The following PCDHA10 variants were observed in gnomAD, a reference collection of about 807,000 sequenced individuals.
PCDHA10 encodes the protein protocadherin alpha 10.
A neutral mutation model predicts 61.2 loss-of-function variants in PCDHA10; 45 were observed. The observed-to-expected ratio is 0.74, with a 90% CI of 0.58 to 0.94. The LOEUF is 0.94. Ranked by LOEUF, PCDHA10 falls within the 40% of genes least tolerant of loss-of-function variation. The pLI, the probability that PCDHA10 is intolerant of heterozygous loss-of-function variation, is 0.00. For synonymous variants in PCDHA10, 602 were observed against 548.8 expected (o/e 1.10, Z -1.35); for missense variants, 1,278 against 1,236.2 (o/e 1.03, Z -0.51).
At chr5:140,886,596 G>C (rs1359025262) in intron 1 of PCDHA10, among the ~76,000 whole-genome samples, 1 of 152,008 alleles carries the variant, frequency 6.6e-6, no homozygotes, top group East Asian at 1.9e-4. Context: ...GGGAGGCCAA[G>C]GTGGGCGGAT....
intron 3 of PCDHA10, among the ~76,000 whole-genome samples, chr5:141,007,395 C>CAAAAAAAAA (rs35800918): frequency 8.4e-5 from 8 of 94,856 alleles, no homozygotes; most frequent in East Asian, 2.9e-4. Context: ...TACTAAAATA[C>CAAAAAAAAA]AAAAAAAAAA....
At chr5:140,875,820 T>C (rs2055843364) in intron 1 of PCDHA10, 1 of 1,613,978 alleles carries the variant, frequency 6.2e-7, no homozygotes, top group African/African-American at 1.3e-5. Flanking sequence ...CGCTGCAGGT[T>C]TTCCATGTGG....
chr5:140,897,178 CA>C (rs1414076017), intron 1 of PCDHA10, among the ~76,000 whole-genome samples: 4 of 151,978 alleles, frequency 2.6e-5, no homozygotes, highest in South Asian at 2.1e-4. Context: ...TCCATGGGTT[CA>C]AAAAATATAT....
intron 3 of PCDHA10, among the ~76,000 whole-genome samples, chr5:140,998,172 T>C (rs1438782798): frequency 6.6e-6 from 1 of 152,184 alleles, no homozygotes; most frequent in Admixed American, 6.5e-5. Flanking sequence ...CCAAGTATTA[T>C]TCTAAGCACT....
At chr5:140,876,004 T>A in intron 1 of PCDHA10, 1 of 1,613,866 alleles carries the variant, frequency 6.2e-7, no homozygotes, top group African/African-American at 1.3e-5. Context: ...AAATGAGAAT[T>A]TTGAGCTTAA....
At chr5:140,953,413 C>T (rs965115726) in intron 1 of PCDHA10, among the ~76,000 whole-genome samples, 1 of 152,120 alleles carries the variant, frequency 6.6e-6, no homozygotes, top group Non-Finnish European at 1.5e-5. Context: ...GCTCCTGGCT[C>T]CTCCCCTTTG....
intron 3 of PCDHA10, among the ~76,000 whole-genome samples, chr5:140,998,364 C>T (rs2097808386): frequency 6.6e-6 from 1 of 152,192 alleles, no homozygotes; most frequent in South Asian, 2.1e-4. Flanking sequence ...AACCACTGCA[C>T]ACACCGTCTC....
At chr5:140,991,417 C>G (rs782178829) in intron 3 of PCDHA10, among the ~76,000 whole-genome samples, 79 of 152,196 alleles carry the variant, frequency 5.2e-4, no homozygotes, top group Admixed American at 1.5e-3. Context: ...TATGCTATAA[C>G]AAATTAACCA....
Position 140,858,429 on chromosome 5 carries a change from C to G in PCDHA10, c.2381C>G (p.Ser794Cys), listed in dbSNP as rs1554151596. Residue 794 changes from serine to cysteine, a missense_variant, in exon 1 of 4, where the codon TCT becomes TGT. Transcript: ENST00000307360. The stretch of plus-strand genomic sequence containing the variant: ...GATCAGTCTATTGGAGGGGACCACT[C>G]TAGGAAGGTGGGTTATTACGTTTTC... ...GEDQSIGGDH[S>C]RKPRQPNPDW... 6.5e-7 allele frequency: 1 copy of G among 1,548,730 alleles called. No individual in the cohort carries two copies. The highest frequency in any genetic ancestry group is 1.4e-5 in the African/African-American group (1 of 73,308).
rs912006741 is a variant in PCDHA10, at chr5:140,857,435, G to A, written c.1387G>A (p.Val463Met). 2.5e-6 allele frequency: 4 copies of A among 1,598,574 alleles called. No homozygotes were observed. The highest frequency in any genetic ancestry group is 3.4e-5 in the Admixed American group (2 of 59,362). The change falls in exon 1 of 4, where the codon GTG (valine) becomes ATG (methionine). Residue 463 changes from valine to methionine, a missense_variant. Transcript: ENST00000307360. The stretch of plus-strand genomic sequence containing the variant: ...CGCGCAGTCCGAGTACACGGTGTTC[G>A]TGAAGGAGAACAACCCGCCAGGCTG... ...AFAQSEYTVF[V>M]KENNPPGCHI... is the part of the protein sequence containing the mutation.
In PCDHA10 at chr5:140,877,669, G is replaced by A. The variant is rs548426920; in HGVS notation, c.2388+19233G>A. The A allele has an allele frequency of 1.4e-4, 219 of 1,613,638 alleles. 3 individuals are homozygous for A. The South Asian group carries it at 2.2e-3, about 17-fold the overall frequency. On this transcript the variant is annotated intron_variant, in intron 1 of 3. Coordinates refer to ENST00000307360, the MANE Select transcript of PCDHA10 (RefSeq NM_018901.4). ...AGCGCCGCCCACCGTGAGCCGGTGC[G>A]CGCCGGGCAAGCCCACGCTGGTGTG...
At chr5:140,941,317 C>T (rs1264351232) in intron 1 of PCDHA10, among the ~76,000 whole-genome samples, 5 of 99,210 alleles carry the variant, frequency 5.0e-5, no homozygotes, top group Admixed American at 1.1e-4. Flanking sequence ...TTTCTTCTTT[C>T]TCTTTTTTTT....
At chr5:140,963,237 G>A (rs782735845) in intron 1 of PCDHA10, among the ~76,000 whole-genome samples, 50 of 152,136 alleles carry the variant, frequency 3.3e-4, no homozygotes, top group Non-Finnish European at 6.2e-4. Flanking sequence ...CTGTTTGATG[G>A]ATTAGGTAGG....
chr5:140,986,372 G>A lies in PCDHA10; in HGVS notation c.2536+3809G>A, dbSNP rs570215048. ...TCTTCAGATGGAGGAATGCGTTTTG[G>A]GGGGAGGGACATTAAAGGGCCAGTC... On this transcript the variant is annotated intron_variant, in intron 3 of 3. Coordinates refer to ENST00000307360, the MANE Select transcript of PCDHA10 (RefSeq NM_018901.4). Among the ~76,000 whole-genome samples, 23 of 152,248 alleles carry A rather than the reference G, an allele frequency of 1.5e-4. No homozygotes were observed. In the East Asian group the frequency reaches 1.7e-3, roughly 12 times the overall value.
At chr5:140,984,295 A>C (rs1195087908) in intron 3 of PCDHA10, among the ~76,000 whole-genome samples, 3 of 152,208 alleles carry the variant, frequency 2.0e-5, no homozygotes, top group African/African-American at 7.2e-5. Flanking sequence ...CCCATTGGTG[A>C]TGCTGGTTGG....
At chr5:140,940,499 G>T (rs190058542) in intron 1 of PCDHA10, among the ~76,000 whole-genome samples, 3 of 151,756 alleles carry the variant, frequency 2.0e-5, no homozygotes, top group Non-Finnish European at 4.4e-5. Flanking sequence ...GTCTTGCTCC[G>T]TCGCTCAGGC....
intron 1 of PCDHA10, among the ~76,000 whole-genome samples, chr5:140,923,894 G>A (rs2081566819): frequency 6.6e-6 from 1 of 152,186 alleles, no homozygotes; most frequent in African/African-American, 2.4e-5. Flanking sequence ...AAGAGGAGGA[G>A]TTTCTGTGAA....
At position 140,882,396 on chromosome 5, in the gene PCDHA10, C is replaced by G; in HGVS notation, c.2388+23960C>G. The G allele has an allele frequency of 1.9e-6, 3 of 1,614,196 alleles. No homozygotes were observed. In the South Asian group the frequency reaches 3.3e-5, roughly 18 times the overall value. On this transcript the variant is annotated intron_variant, in intron 1 of 3. Transcript: ENST00000307360. ...GTCCCCGAGGAAGCAAAACACGGCA[C>G]CTTCGTGGGCCGCATCGCTCAGGAC...
intron 1 of PCDHA10, among the ~76,000 whole-genome samples, chr5:140,940,491 C>A (rs1554213409): frequency 6.6e-6 from 1 of 151,752 alleles, no homozygotes; most frequent in Admixed American, 6.6e-5. Context: ...CAAGACAAGT[C>A]TTGCTCCGTC....
Sources: gnomAD v4.1 joint callset for allele counts (sites outside exome capture counted in the v4.1 genomes callset) on GRCh38, gnomAD v4.1.1 for gene constraint, MANE v1.5 for transcripts, NCBI Gene and HGNC (gene_info 2026-07-23, HGNC 2026-07-21) for gene names.